DAB1: variants seen among roughly 807,000 people sequenced by gnomAD.
DAB1 encodes the protein DAB adaptor protein 1.
Under a neutral mutation model 64.6 loss-of-function variants are expected in DAB1, and 15 were observed. That is an observed-to-expected ratio of 0.23 (90% CI 0.16 to 0.36). The LOEUF (loss-of-function observed/expected upper bound fraction) is 0.36. DAB1 is among the 10% of genes least tolerant of loss of function. The pLI, the probability that DAB1 is intolerant of heterozygous loss-of-function variation, is 1.00. For missense variants in DAB1, 596 were observed against 706.7 expected, an observed-to-expected ratio of 0.84 and a Z score of 1.78; for synonymous variants, 235 against 251.9, an observed-to-expected ratio of 0.93 and a Z score of 0.64.
At chr1:58,028,257 A>G (rs796807131) in intron 5 of DAB1, among the ~76,000 whole-genome samples, 16 of 152,330 alleles carry the variant, frequency 1.1e-4, no homozygotes, top group African/African-American at 3.8e-4. Context: ...TCTGGTCAAA[A>G]CATTTTCATC....
At chr1:57,053,106 G>A (rs1649353519) in intron 9 of DAB1, among the ~76,000 whole-genome samples, 1 of 152,264 alleles carries the variant, frequency 6.6e-6, no homozygotes, top group South Asian at 2.1e-4. Context: ...GCGGATGGCC[G>A]CTATTCCCAT....
At chr1:58,422,137 GT>G (rs1452888456) in intron 3 of DAB1, among the ~76,000 whole-genome samples, 1 of 152,034 alleles carries the variant, frequency 6.6e-6, no homozygotes, top group Non-Finnish European at 1.5e-5. Context: ...TTGAAATCTG[GT>G]GATGTTGGGC....
chr1:58,101,648 A>T (rs1360964823), intron 5 of DAB1, among the ~76,000 whole-genome samples: 1 of 152,214 alleles, frequency 6.6e-6, no homozygotes, highest in Non-Finnish European at 1.5e-5. Context: ...TCTAATTCCA[A>T]TCTATCACTA....
At chr1:58,101,975 C>T (rs934662282) in intron 5 of DAB1, among the ~76,000 whole-genome samples, 3 of 152,232 alleles carry the variant, frequency 2.0e-5, no homozygotes, top group Non-Finnish European at 4.4e-5. Context: ...ACACACCTCC[C>T]CATCATGCTT....
At chr1:57,841,095 T>C (rs1185976403) in intron 1 of DAB1, among the ~76,000 whole-genome samples, 1 of 152,204 alleles carries the variant, frequency 6.6e-6, no homozygotes, top group African/African-American at 2.4e-5. Flanking sequence ...TGGGAGAAAC[T>C]GGCCAAAACA....
intron 1 of DAB1, among the ~76,000 whole-genome samples, chr1:57,335,513 C>T (rs548866656): frequency 4.5e-4 from 68 of 152,170 alleles, no homozygotes; most frequent in Admixed American, 2.1e-3. Flanking sequence ...CTGGAGGCCA[C>T]GATAGGAAAT....
chr1:57,023,737 G>T, intron 10 of DAB1, 98 bp from the exon 11 acceptor site: 1 of 762,552 alleles, frequency 1.3e-6, no homozygotes, highest in Non-Finnish European at 2.3e-6. Context: ...CAGGGGAAGG[G>T]GTCCACAGTT....
At chr1:58,359,926 T>C (rs567544947) in intron 3 of DAB1, among the ~76,000 whole-genome samples, 5 of 152,302 alleles carry the variant, frequency 3.3e-5, no homozygotes, top group Admixed American at 2.6e-4. Context: ...GGCAAGGTGA[T>C]TCATCCTTCC....
chr1:58,530,889 C>T (rs1646424927), intron 1 of DAB1, among the ~76,000 whole-genome samples: 1 of 152,134 alleles, frequency 6.6e-6, no homozygotes, highest in South Asian at 2.1e-4. Context: ...GTCTGTTTTT[C>T]CCTTCCTTGG....
chr1:58,202,813 C>T (rs1038530215), intron 4 of DAB1, among the ~76,000 whole-genome samples: 3 of 152,076 alleles, frequency 2.0e-5, no homozygotes, highest in African/African-American at 7.2e-5. Flanking sequence ...CATGTAGCAC[C>T]CACACCTCCA....
chr1:57,294,195 T>G (rs919253466), intron 1 of DAB1, among the ~76,000 whole-genome samples: 17 of 152,238 alleles, frequency 1.1e-4, no homozygotes, highest in Non-Finnish European at 2.4e-4. Flanking sequence ...CAGTAAAGGC[T>G]GTGAAATCCT....
intron 2 of DAB1, among the ~76,000 whole-genome samples, chr1:57,175,801 C>T (rs1662250219): frequency 6.6e-6 from 1 of 152,106 alleles, no homozygotes; most frequent in South Asian, 2.1e-4. Context: ...AGGTACTGGG[C>T]GCTTTGCTAA....
chr1:58,507,410 C>G (rs1646006135), intron 2 of DAB1, among the ~76,000 whole-genome samples: 1 of 151,828 alleles, frequency 6.6e-6, no homozygotes, highest in African/African-American at 2.4e-5. Context: ...TACATCATTT[C>G]TTAACAAATA....
At chr1:58,063,620 C>T (rs115646739) in intron 5 of DAB1, among the ~76,000 whole-genome samples, 2,212 of 152,284 alleles carry the variant, frequency 0.015, 50 homozygotes, top group African/African-American at 0.05. Flanking sequence ...AACTGGGTGT[C>T]TCAGAGCCCT....
At chr1:57,512,874 T>C (rs937923177) in intron 7 of DAB1, among the ~76,000 whole-genome samples, 3 of 152,200 alleles carry the variant, frequency 2.0e-5, no homozygotes, top group Non-Finnish European at 4.4e-5. Context: ...GGCTCCTGCC[T>C]ACTGGGGCAT....
intron 5 of DAB1, among the ~76,000 whole-genome samples, chr1:57,904,454 C>T (rs952741261): frequency 2.6e-5 from 4 of 152,106 alleles, no homozygotes; most frequent in African/African-American, 9.7e-5. Flanking sequence ...TCTGTATTCT[C>T]ACGTATCAAA....
chr1:58,410,252 C>T (rs189459011), intron 3 of DAB1, among the ~76,000 whole-genome samples: 1 of 152,340 alleles, frequency 6.6e-6, no homozygotes, highest in Admixed American at 6.5e-5. Context: ...AGGATGCTTT[C>T]TGCAGTGGAG....
intron 4 of DAB1, among the ~76,000 whole-genome samples, chr1:58,300,626 G>C (rs1265454958): frequency 9.8e-4 from 46 of 47,056 alleles, no homozygotes; most frequent in Middle Eastern, 8.8e-3. Flanking sequence ...GAGAGAGAGA[G>C]AGAGAGAGAG....
At chr1:57,729,466 G>C (rs1647319130) in intron 6 of DAB1, among the ~76,000 whole-genome samples, 1 of 152,250 alleles carries the variant, frequency 6.6e-6, no homozygotes, top group Non-Finnish European at 1.5e-5. Flanking sequence ...CAGCTGTCCA[G>C]GCAAAGGTAA....
Sources: gnomAD v4.1 joint callset for allele counts (sites outside exome capture counted in the v4.1 genomes callset) on GRCh38, gnomAD v4.1.1 for gene constraint, MANE v1.5 for transcripts, NCBI Gene and HGNC (gene_info 2026-07-23, HGNC 2026-07-21) for gene names.